The following SIPA1L3 variants were observed in gnomAD, a reference collection of about 807,000 sequenced individuals.
The protein encoded by SIPA1L3 is signal induced proliferation associated 1 like 3.
A neutral mutation model predicts 150.1 loss-of-function variants in SIPA1L3; 59 were observed. The observed-to-expected ratio is 0.39, with a 90% CI of 0.32 to 0.49. The LOEUF is 0.49. Ranked by LOEUF, SIPA1L3 falls within the 20% of genes least tolerant of loss-of-function variation. The pLI is 0.86. For missense variants in SIPA1L3, 2,211 were observed against 2,489.5 expected (o/e 0.89, Z 2.38); for synonymous variants, 1,070 against 1,077.6 (o/e 0.99, Z 0.14).
At chr19:37,954,533 A>G (rs1391385800) in intron 1 of SIPA1L3, among the ~76,000 whole-genome samples, 2 of 152,170 alleles carry the variant, frequency 1.3e-5, no homozygotes, top group African/African-American at 4.8e-5. Context: ...GATCAGTTTT[A>G]GGAAGAGGAA....
chr19:37,996,625 C>T (rs1967643355), intron 1 of SIPA1L3, among the ~76,000 whole-genome samples: 3 of 152,128 alleles, frequency 2.0e-5, no homozygotes, highest in African/African-American at 7.2e-5. Flanking sequence ...ACTTATTTCT[C>T]TTGTCCAACT....
At chr19:38,133,639 C>T (rs892302467) in intron 10 of SIPA1L3, among the ~76,000 whole-genome samples, 1 of 152,118 alleles carries the variant, frequency 6.6e-6, no homozygotes, top group Admixed American at 6.6e-5. Context: ...GATTTTATAT[C>T]ACAGAGTGGG....
intron 15 of SIPA1L3, 130 bp downstream of exon 15, chr19:38,165,036 C>A: frequency 2.2e-6 from 2 of 912,088 alleles, no homozygotes; most frequent in Non-Finnish European, 3.2e-6. Flanking sequence ...CATTGGTTTG[C>A]TGACAGAATT....
chr19:38,036,293 C>A (rs1968784295), intron 2 of SIPA1L3, among the ~76,000 whole-genome samples: 1 of 152,266 alleles, frequency 6.6e-6, no homozygotes. Flanking sequence ...CGAATTAGCC[C>A]AGACCTTTCA....
rs557458917 is a variant in SIPA1L3 at position 38,047,653 on chromosome 19, C to T, written c.-311+18497C>T. Among the ~76,000 whole-genome samples, 14 of 152,336 alleles carry T rather than the reference C, an allele frequency of 9.2e-5. No homozygotes were observed. Among genetic ancestry groups the T allele is most frequent in the Non-Finnish European group, 2.1e-4 (14 of 68,038 alleles). ...CGGGCCGGGCTGACCCCAGAGCGCA[C>T]GCTCCTTTGCCCGCCCCTGCCACAC... On this transcript the variant is annotated intron_variant, in intron 2 of 21. Coordinates refer to ENST00000222345, the MANE Select transcript of SIPA1L3 (RefSeq NM_015073.3). This position sits in a 1 kb window ranked among gnomAD's most constrained non-coding sequence, Gnocchi z 4.7.
At chr19:37,915,907 G>C (rs549834811) in intron 1 of SIPA1L3, among the ~76,000 whole-genome samples, 1 of 152,178 alleles carries the variant, frequency 6.6e-6, no homozygotes, top group African/African-American at 2.4e-5. Context: ...AAAAATATTG[G>C]GTGGGCATGG....
chr19:37,988,633 A>C (rs1431013758), intron 1 of SIPA1L3, among the ~76,000 whole-genome samples: 1 of 152,136 alleles, frequency 6.6e-6, no homozygotes, highest in Non-Finnish European at 1.5e-5. Context: ...CCGAGATCAC[A>C]CCACTGCACT....
intron 1 of SIPA1L3, among the ~76,000 whole-genome samples, chr19:37,935,428 G>A (rs55983118): frequency 0.26 from 39,377 of 152,068 alleles, 6,071 homozygotes; most frequent in Non-Finnish European, 0.36. Flanking sequence ...CTTGTACAGC[G>A]TTGTACCCAG....
chr19:38,071,338 G>A (rs1969719920), intron 2 of SIPA1L3, among the ~76,000 whole-genome samples: 1 of 152,092 alleles, frequency 6.6e-6, no homozygotes, highest in Admixed American at 6.6e-5. Flanking sequence ...CCAGGCGGGA[G>A]TACAGTGGCG....
chr19:38,134,190 G>A (rs980381312), intron 10 of SIPA1L3, among the ~76,000 whole-genome samples: 1 of 150,872 alleles, frequency 6.6e-6, no homozygotes, highest in Non-Finnish European at 1.5e-5. Context: ...CACCTTATTG[G>A]CCAGGCTGGT....
At chr19:37,980,187 G>A (rs1342363093) in intron 1 of SIPA1L3, among the ~76,000 whole-genome samples, 1 of 152,164 alleles carries the variant, frequency 6.6e-6, no homozygotes, top group Non-Finnish European at 1.5e-5. Context: ...ATTCTATGTG[G>A]ATGTGTGAGC....
intron 2 of SIPA1L3, among the ~76,000 whole-genome samples, chr19:38,049,911 A>C (rs1969151748): frequency 6.6e-6 from 1 of 152,032 alleles, no homozygotes; most frequent in South Asian, 2.1e-4. Flanking sequence ...AGTCTGGCTG[A>C]GTGCCTCTTC....
chr19:37,964,631 A>T (rs1217546230), intron 1 of SIPA1L3: 1 of 152,318 alleles, frequency 6.6e-6, no homozygotes, highest in African/African-American at 2.4e-5. Context: ...AGTAGCTAGG[A>T]TTACAGGCAT....
chr19:37,970,344 A>G (rs941221836), intron 1 of SIPA1L3, among the ~76,000 whole-genome samples: 1 of 152,238 alleles, frequency 6.6e-6, no homozygotes, highest in Non-Finnish European at 1.5e-5. Flanking sequence ...CACCACGTTA[A>G]GTGGAGTACT....
chr19:38,094,842 G>A (rs1019310785), intron 4 of SIPA1L3, among the ~76,000 whole-genome samples: 1 of 152,052 alleles, frequency 6.6e-6, no homozygotes, highest in African/African-American at 2.4e-5. Flanking sequence ...CTACGCAGGT[G>A]GATCACCTGA....
intron 1 of SIPA1L3, among the ~76,000 whole-genome samples, chr19:37,917,731 G>A (rs1218060735): frequency 2.0e-5 from 3 of 152,136 alleles, no homozygotes; most frequent in South Asian, 4.1e-4. Flanking sequence ...GAGGCCGGTC[G>A]TAGAAGATCA....
At chr19:38,180,151 G>C (rs1208517476) in intron 15 of SIPA1L3, among the ~76,000 whole-genome samples, 1 of 152,062 alleles carries the variant, frequency 6.6e-6, no homozygotes, top group Non-Finnish European at 1.5e-5. Context: ...AGGCAGGTGT[G>C]CTAGCAACAA....
At chr19:37,916,493 TAAAAAA>T (rs911159767) in intron 1 of SIPA1L3, among the ~76,000 whole-genome samples, 2 of 90,792 alleles carry the variant, frequency 2.2e-5, no homozygotes, top group Non-Finnish European at 2.2e-5. Context: ...ACTCTGTGTC[TAAAAAA>T]AAAAAAAAAA....
intron 1 of SIPA1L3, among the ~76,000 whole-genome samples, chr19:38,025,942 A>G (rs1175513020): frequency 6.6e-6 from 1 of 152,180 alleles, no homozygotes; most frequent in African/African-American, 2.4e-5. Flanking sequence ...ACTGTTTCTA[A>G]TTTTATTTTG....
Sources: gnomAD v4.1 joint callset for allele counts (sites outside exome capture counted in the v4.1 genomes callset) on GRCh38, gnomAD v4.1.1 for gene constraint, Gnocchi (gnomAD v3.1) non-coding constraint, MANE v1.5 for transcripts, NCBI Gene and HGNC (gene_info 2026-07-23, HGNC 2026-07-21) for gene names.